OTUD7A: variants seen among roughly 807,000 people sequenced by gnomAD.
OTUD7A encodes OTU domain-containing protein 7A.
In OTUD7A, 12 loss-of-function variants were observed where a neutral mutation model predicts 65.7. The ratio of observed to expected loss-of-function variants is 0.18; its 90% CI spans 0.12 to 0.30. The LOEUF is 0.30. Among genes scored for constraint, OTUD7A ranks in the 10% least tolerant of loss-of-function variants. The pLI is 1.00. For synonymous variants in OTUD7A, 641 were observed against 586.3 expected, an observed-to-expected ratio of 1.09 and a Z score of -1.35; for missense variants, 1,148 against 1,304.8, an observed-to-expected ratio of 0.88 and a Z score of 1.85.
chr15:31,786,032 G>T (rs1895664104), intron 1 of OTUD7A, among the ~76,000 whole-genome samples: 1 of 152,054 alleles, frequency 6.6e-6, no homozygotes, highest in South Asian at 2.1e-4. Flanking sequence ...TATCATGGGA[G>T]GGGAAATCAT....
intron 3 of OTUD7A, among the ~76,000 whole-genome samples, chr15:31,643,847 G>C (rs558312647): frequency 2.8e-4 from 42 of 152,348 alleles, no homozygotes; most frequent in African/African-American, 7.9e-4. Flanking sequence ...AGTTAGGGCA[G>C]AGAGTCCTTG....
chr15:31,629,993 T>C (rs1485617064), intron 3 of OTUD7A, among the ~76,000 whole-genome samples: 5 of 151,692 alleles, frequency 3.3e-5, no homozygotes, highest in Non-Finnish European at 7.4e-5. Flanking sequence ...TTCTTCTTTA[T>C]TAGTCTTGCT....
intron 5 of OTUD7A, among the ~76,000 whole-genome samples, chr15:31,537,450 CACCT>C (rs1376994757): frequency 6.6e-6 from 1 of 152,056 alleles, no homozygotes; most frequent in African/African-American, 2.4e-5. Flanking sequence ...ATATTCTTAC[CACCT>C]ACAAGTCACC....
At chr15:31,651,572 AAC>A (rs60554390) in intron 3 of OTUD7A, among the ~76,000 whole-genome samples, 5,066 of 140,726 alleles carry the variant, frequency 0.036, 141 homozygotes, top group African/African-American at 0.067. Context: ...AATCCCAAGG[AAC>A]ACACACACAC....
At chr15:31,663,161 C>T (rs763113845) in intron 1 of OTUD7A, among the ~76,000 whole-genome samples, 24 of 150,084 alleles carry the variant, frequency 1.6e-4, no homozygotes, top group Non-Finnish European at 3.2e-4. Context: ...ATGTTATGGG[C>T]ATCTTTGCTT....
intron 3 of OTUD7A, among the ~76,000 whole-genome samples, chr15:31,640,266 A>G (rs1891470794): frequency 6.6e-6 from 1 of 152,198 alleles, no homozygotes; most frequent in Admixed American, 6.5e-5. Flanking sequence ...ATGGACTTTG[A>G]GGACTCAGGG....
chr15:31,672,301 G>A (rs1892502242), intron 1 of OTUD7A, among the ~76,000 whole-genome samples: 1 of 152,076 alleles, frequency 6.6e-6, no homozygotes, highest in African/African-American at 2.4e-5. Context: ...TGTGGAAATT[G>A]CTCTGCCCAG....
intron 1 of OTUD7A, among the ~76,000 whole-genome samples, chr15:31,865,313 C>T (rs951017737): frequency 6.6e-6 from 1 of 152,186 alleles, no homozygotes; most frequent in African/African-American, 2.4e-5. Context: ...CTCAAATCAT[C>T]ATTAGAGGAA....
At chr15:31,783,598 G>T (rs1895597864) in intron 1 of OTUD7A, among the ~76,000 whole-genome samples, 1 of 152,190 alleles carries the variant, frequency 6.6e-6, no homozygotes, top group Non-Finnish European at 1.5e-5. Context: ...AGTATTAATT[G>T]TATTAACTAG....
chr15:31,485,548 C>A (rs1417234556), intron 12 of OTUD7A, among the ~76,000 whole-genome samples: 1 of 151,818 alleles, frequency 6.6e-6, no homozygotes. Context: ...CTGAGGGGGG[C>A]ACGACCATAT....
intron 1 of OTUD7A, among the ~76,000 whole-genome samples, chr15:31,841,586 T>C (rs1297442467): frequency 6.6e-6 from 1 of 152,104 alleles, no homozygotes; most frequent in Non-Finnish European, 1.5e-5. Context: ...AAAAAGTTAA[T>C]GGAGTTGCAC....
At chr15:31,663,281 A>ACACACACACACG (rs1203417173) in intron 1 of OTUD7A, among the ~76,000 whole-genome samples, 1 of 150,394 alleles carries the variant, frequency 6.6e-6, no homozygotes, top group Non-Finnish European at 1.5e-5. Context: ...ACACACACAC[A>ACACACACACACG]CAAGTTTTTA....
At chr15:31,821,165 CTTGCTCTG>C (rs1896672327) in intron 1 of OTUD7A, among the ~76,000 whole-genome samples, 2 of 110,934 alleles carry the variant, frequency 1.8e-5, no homozygotes, top group South Asian at 6.3e-4. Flanking sequence ...GAGACGGAGT[CTTGCTCTG>C]TCACCAGGCT....
intron 1 of OTUD7A, among the ~76,000 whole-genome samples, chr15:31,828,398 T>C (rs1253769308): frequency 1.3e-5 from 2 of 152,238 alleles, no homozygotes; most frequent in Non-Finnish European, 2.9e-5. Flanking sequence ...GTTTACATCG[T>C]GTAATGTTTA....
intron 1 of OTUD7A, among the ~76,000 whole-genome samples, chr15:31,815,070 T>C (rs1896513094): frequency 1.3e-5 from 2 of 152,148 alleles, no homozygotes; most frequent in Admixed American, 1.3e-4. Context: ...TCTTCAACAT[T>C]GGTTCCCTGT....
rs994943108 is a variant in OTUD7A, at chr15:31,477,454, A to G, written c.*5840T>C. ...TGCTCCCCTGCGAACAGTGAGCCTCATATTTGTGAGGTGGGGCTAGCGGCA... is the reference window on the plus strand; with the variant it reads ...TGCTCCCCTGCGAACAGTGAGCCTCGTATTTGTGAGGTGGGGCTAGCGGCA... On this transcript the variant is annotated 3_prime_UTR_variant, in exon 13 of 13. Coordinates refer to ENST00000307050, the MANE Select transcript of OTUD7A (RefSeq NM_001382637.1). 6.6e-6 allele frequency: 1 copy of G among 152,198 alleles called. No individual in the cohort carries two copies. Among genetic ancestry groups the G allele is most frequent in the Non-Finnish European group, 1.5e-5 (1 of 68,046 alleles). 9.4% of individuals were successfully genotyped at this position (152,198 alleles called of 1,614,324 possible).
chr15:31,828,754 A>G (rs1228719759), intron 1 of OTUD7A, among the ~76,000 whole-genome samples: 1 of 152,112 alleles, frequency 6.6e-6, no homozygotes, highest in Non-Finnish European at 1.5e-5. Context: ...TTTGGCCTTC[A>G]AGGGTAGCAC....
intron 5 of OTUD7A, among the ~76,000 whole-genome samples, chr15:31,551,885 T>A (rs1888335847): frequency 6.6e-6 from 1 of 152,178 alleles, no homozygotes; most frequent in Non-Finnish European, 1.5e-5. Flanking sequence ...AGGGGCCTTG[T>A]GTTCCTCATC....
At chr15:31,549,155 AAAG>A (rs1566914363) in intron 5 of OTUD7A, among the ~76,000 whole-genome samples, 1 of 151,858 alleles carries the variant, frequency 6.6e-6, no homozygotes, top group Non-Finnish European at 1.5e-5. Flanking sequence ...AAAAAAAAAA[AAAG>A]TAGAATTCAG....
Sources: allele counts gnomAD v4.1 joint callset (sites outside exome capture counted in the v4.1 genomes callset), GRCh38; gene constraint gnomAD v4.1.1; transcripts MANE v1.5; gene names NCBI Gene and HGNC (gene_info 2026-07-23, HGNC 2026-07-21).